The following MGAT4C variants were observed in gnomAD, a reference collection of about 807,000 sequenced individuals.
MGAT4C encodes the protein MGAT4 family member C, also known as alpha-1,3-mannosyl-glycoprotein 4-beta-N-acetylglucosaminyltransferase C.
Under a neutral mutation model 40.1 loss-of-function variants are expected in MGAT4C, and 19 were observed. That is an observed-to-expected ratio of 0.47 (90% CI 0.33 to 0.70). The LOEUF is 0.70. MGAT4C is among the 30% of genes least tolerant of loss of function. The probability of loss-of-function intolerance (pLI) is 0.02; values close to 1 mark genes in which losing one functional copy is unlikely to be tolerated. For synonymous variants in MGAT4C, 181 were observed against 187.1 expected, an observed-to-expected ratio of 0.97 and a Z score of 0.27; for missense variants, 491 against 563.2, an observed-to-expected ratio of 0.87 and a Z score of 1.30.
intron 1 of MGAT4C, among the ~76,000 whole-genome samples, chr12:86,212,679 G>A (rs1311110405): frequency 1.4e-5 from 2 of 147,788 alleles, no homozygotes; most frequent in African/African-American, 5.0e-5. Flanking sequence ...ACGAGGTCAG[G>A]AGATCGAGAC....
rs1883971313 is a variant in MGAT4C at position 85,976,194 on chromosome 12, CAT to C, written c.*3093_*3094del. ...AGTAAGAAATGGAATGTTCACAACTCATAGTGTAGCTATATGAAAGAAATAGA... is the reference window on the plus strand; with the variant it reads ...AGTAAGAAATGGAATGTTCACAACTCAGTGTAGCTATATGAAAGAAATAGA... On this transcript the variant is annotated 3_prime_UTR_variant, in exon 5 of 5. Coordinates refer to ENST00000611864, the MANE Select transcript of MGAT4C (RefSeq NM_001351288.2). The C allele has an allele frequency of 1.3e-5, 2 of 150,760 alleles. No homozygotes were observed. The highest frequency in any genetic ancestry group is 1.3e-4 in the Admixed American group (2 of 15,084). The allele number at this position is 150,760 out of a possible 1,614,324, so 9.3% of individuals were successfully genotyped here. A position where few individuals can be genotyped will look rare whatever the true frequency, so the allele number is the denominator to read the frequency against.
chr12:86,609,024 T>C (rs1962149506), intron 2 of MGAT4C, among the ~76,000 whole-genome samples: 1 of 152,100 alleles, frequency 6.6e-6, no homozygotes, highest in Non-Finnish European at 1.5e-5. Flanking sequence ...AACTAAGATA[T>C]TTTGACAAAA....
Position 86,035,065 on chromosome 12 carries a change from G to A in MGAT4C, c.-7+14609C>T, listed in dbSNP as rs1891103565. The stretch of plus-strand genomic sequence containing the variant: ...CGTGTGCATGTGTCTTTATAGTACA[G>A]TGATTTCTAACCCTTTGGGTACATA... On this transcript the variant is annotated intron_variant, in intron 2 of 4. Coordinates refer to ENST00000611864, the MANE Select transcript of MGAT4C (RefSeq NM_001351288.2). 4.0e-5 allele frequency among the ~76,000 whole-genome samples: 6 copies of A among 150,136 alleles called. No individual in the cohort carries two copies. In the South Asian group the frequency reaches 1.3e-3, roughly 32 times the overall value.
chr12:86,141,793 G>GT (rs1363127214), intron 1 of MGAT4C, among the ~76,000 whole-genome samples: 1 of 152,098 alleles, frequency 6.6e-6, no homozygotes, highest in African/African-American at 2.4e-5. Context: ...TTTAACTCAT[G>GT]TAGATTATAC....
At chr12:86,183,508 A>G (rs1307870328) in intron 1 of MGAT4C, among the ~76,000 whole-genome samples, 1 of 152,208 alleles carries the variant, frequency 6.6e-6, no homozygotes, top group African/African-American at 2.4e-5. Context: ...ACAGATACAG[A>G]ACTTAATAGA....
chr12:86,076,843 C>T (rs745792560), intron 1 of MGAT4C, among the ~76,000 whole-genome samples: 24 of 151,892 alleles, frequency 1.6e-4, no homozygotes, highest in African/African-American at 3.4e-4. Flanking sequence ...CATAGCCAAA[C>T]CATATCATCA....
chr12:86,406,440 G>A (rs1453368206), intron 3 of MGAT4C, among the ~76,000 whole-genome samples: 1 of 152,010 alleles, frequency 6.6e-6, no homozygotes, highest in African/African-American at 2.4e-5. Flanking sequence ...GATAGGAAGA[G>A]ACATTTCACC....
intron 2 of MGAT4C, among the ~76,000 whole-genome samples, chr12:86,552,657 G>C (rs532775036): frequency 5.3e-5 from 8 of 151,944 alleles, no homozygotes; most frequent in Admixed American, 5.2e-4. Context: ...ATTATTATGT[G>C]CCAATTTAAA....
chr12:86,236,117 A>G (rs556736652), intron 1 of MGAT4C, among the ~76,000 whole-genome samples: 1 of 152,094 alleles, frequency 6.6e-6, no homozygotes, highest in African/African-American at 2.4e-5. Context: ...ACAGAAATAC[A>G]TGGTTCATGT....
intron 2 of MGAT4C, among the ~76,000 whole-genome samples, chr12:86,520,128 C>A (rs1268426823): frequency 1.3e-5 from 2 of 152,090 alleles, no homozygotes; most frequent in Non-Finnish European, 2.9e-5. Flanking sequence ...AAACTTGTGT[C>A]ATGGGGGTAT....
intron 2 of MGAT4C, among the ~76,000 whole-genome samples, chr12:86,534,584 T>C (rs1443100436): frequency 6.6e-6 from 1 of 152,140 alleles, no homozygotes; most frequent in Non-Finnish European, 1.5e-5. Context: ...TCTCACCATA[T>C]ATTTATGAAG....
At chr12:86,446,658 CATATATATATATATAT>C (rs34157468) in intron 2 of MGAT4C, among the ~76,000 whole-genome samples, 636 of 35,336 alleles carry the variant, frequency 0.018, 16 homozygotes, top group Non-Finnish European at 0.026. Flanking sequence ...TCATGTAACT[CATATATATATATATAT>C]ATATATATAT....
chr12:86,165,249 T>C (rs961985182), intron 1 of MGAT4C, among the ~76,000 whole-genome samples: 1 of 152,146 alleles, frequency 6.6e-6, no homozygotes, highest in Non-Finnish European at 1.5e-5. Context: ...TTAATGTAGA[T>C]ATAAATAATG....
rs529949761 is a variant in MGAT4C at position 86,403,629 on chromosome 12, C to T, written c.-120+31528G>A. On this transcript the variant is annotated intron_variant, in intron 3 of 7. Coordinates refer to the MGAT4C transcript ENST00000548651. ...GATCATTTTAAGTTTTTGAAATTTT[C>T]GCTCTTTTAAGAAGAGAAGTAATAG... Among the ~76,000 whole-genome samples the T allele has an allele frequency of 1.4e-3, 215 of 152,096 alleles. 1 individual carries two copies. The highest frequency in any genetic ancestry group is 5.0e-3 in the African/African-American group (208 of 41,480).
chr12:86,442,132 T>G (rs1262744263), intron 2 of MGAT4C, among the ~76,000 whole-genome samples: 1 of 152,254 alleles, frequency 6.6e-6, no homozygotes. Flanking sequence ...GTTGGCTGCA[T>G]AAATGTCTTC....
intron 4 of MGAT4C, among the ~76,000 whole-genome samples, chr12:86,305,153 T>C (rs1953903302): frequency 6.6e-6 from 1 of 150,570 alleles, no homozygotes. Flanking sequence ...TAAGAAACGC[T>C]GTTAGGCCTG....
intron 2 of MGAT4C, among the ~76,000 whole-genome samples, chr12:86,573,632 T>A (rs1960452458): frequency 6.6e-6 from 1 of 152,024 alleles, no homozygotes; most frequent in Admixed American, 6.6e-5. Context: ...AATGTGAACT[T>A]TCTTTACTAT....
intron 3 of MGAT4C, among the ~76,000 whole-genome samples, chr12:86,352,814 C>A (rs1592730043): frequency 7.3e-6 from 1 of 137,128 alleles, no homozygotes; most frequent in Admixed American, 8.1e-5. Context: ...GGGAATTGAA[C>A]AATGAGAACA....
chr12:86,011,566 T>C (rs1362218028), intron 2 of MGAT4C, among the ~76,000 whole-genome samples: 1 of 152,172 alleles, frequency 6.6e-6, no homozygotes, highest in Non-Finnish European at 1.5e-5. Context: ...GAGATGTTGT[T>C]GGCTTATAAT....
Sources: allele counts gnomAD v4.1 joint callset (sites outside exome capture counted in the v4.1 genomes callset), GRCh38; gene constraint gnomAD v4.1.1; transcripts MANE v1.5; gene names NCBI Gene and HGNC (gene_info 2026-07-23, HGNC 2026-07-21).